CDHR3: variants seen among roughly 807,000 people sequenced by gnomAD.
CDHR3 encodes the protein cadherin-related family member 3.
In CDHR3, 79 loss-of-function variants were observed where a neutral mutation model predicts 86.6. The observed-to-expected ratio is 0.91, with a 90% CI of 0.76 to 1.10. CDHR3 has a LOEUF of 1.10. Ranked by LOEUF, CDHR3 falls within the 50% of genes least tolerant of loss-of-function variation. CDHR3 has a pLI of 0.00. For synonymous variants in CDHR3, 421 were observed against 402.4 expected, an observed-to-expected ratio of 1.05 and a Z score of -0.55; for missense variants, 1,081 against 1,077.6, an observed-to-expected ratio of 1.00 and a Z score of -0.04.
intron 4 of CDHR3, among the ~76,000 whole-genome samples, chr7:105,992,944 A>T (rs1831580946): frequency 1.3e-5 from 2 of 152,270 alleles, no homozygotes; most frequent in South Asian, 2.1e-4. Context: ...AAAATGGCTT[A>T]AAAACGTTAT....
intron 4 of CDHR3, among the ~76,000 whole-genome samples, chr7:105,985,105 A>G (rs1049565014): frequency 9.9e-5 from 15 of 151,738 alleles, no homozygotes; most frequent in Non-Finnish European, 2.2e-4. Context: ...TCTAGGTTGT[A>G]GAGCAGGAGA....
intron 3 of CDHR3, among the ~76,000 whole-genome samples, chr7:105,982,049 C>T (rs1170401520): frequency 9.0e-6 from 1 of 110,602 alleles, no homozygotes; most frequent in East Asian, 2.7e-4. Flanking sequence ...GCCTCCCAGC[C>T]CCCCTGCAGT....
chr7:105,990,776 C>T (rs1027902575), intron 4 of CDHR3, among the ~76,000 whole-genome samples: 1 of 152,168 alleles, frequency 6.6e-6, no homozygotes, highest in Non-Finnish European at 1.5e-5. Flanking sequence ...AATCATTGGT[C>T]GGTGACTCCT....
intron 4 of CDHR3, among the ~76,000 whole-genome samples, chr7:105,988,814 A>G (rs1830896300): frequency 6.6e-6 from 1 of 152,242 alleles, no homozygotes; most frequent in African/African-American, 2.4e-5. Flanking sequence ...GTAAAACAAA[A>G]TAAATGAAAT....
At chr7:106,025,908 G>A (rs931116062) in intron 15 of CDHR3, among the ~76,000 whole-genome samples, 2 of 152,128 alleles carry the variant, frequency 1.3e-5, no homozygotes, top group African/African-American at 4.8e-5. Context: ...GTAATTGCTT[G>A]TAAGGATGGT....
chr7:105,996,220 A>G, intron 5 of CDHR3, 30 bp from the exon 6 acceptor site: 1 of 1,259,444 alleles, frequency 7.9e-7, no homozygotes. Flanking sequence ...GCAAAGCTTG[A>G]TTCTCTCACG....
In CDHR3 at chr7:106,034,711, G is replaced by A. The variant is rs1456393750; in HGVS notation, c.*2014G>A. On this transcript the variant is annotated 3_prime_UTR_variant, in exon 19 of 19. Coordinates refer to ENST00000317716, the MANE Select transcript of CDHR3 (RefSeq NM_152750.5). Reference sequence around the variant, plus strand: ...CAAATGCTTTCCTTGGAAGCTCTCAGCTTCAATGCAAGTAAAATGAGGTTC... The same window carrying A: ...CAAATGCTTTCCTTGGAAGCTCTCAACTTCAATGCAAGTAAAATGAGGTTC... 6.6e-6 allele frequency among the ~76,000 whole-genome samples: 1 copy of A among 152,222 alleles called. No individual in the cohort carries two copies. Among genetic ancestry groups the A allele is most frequent in the Non-Finnish European group, 1.5e-5 (1 of 68,030 alleles).
intron 1 of CDHR3, among the ~76,000 whole-genome samples, chr7:105,969,721 C>T (rs1244538400): frequency 6.6e-6 from 1 of 152,232 alleles, no homozygotes; most frequent in East Asian, 1.9e-4. Context: ...TAGCCTGCAC[C>T]TGGCCTCTGT....
chr7:105,969,370 A>C (rs4997842), intron 1 of CDHR3, among the ~76,000 whole-genome samples: 36,222 of 135,554 alleles, frequency 0.27, 5,192 homozygotes, highest in East Asian at 0.68. Context: ...ACTGCACTCC[A>C]GCCTGGGCGA....
chr7:105,966,912 T>C (rs573040747), intron 1 of CDHR3, among the ~76,000 whole-genome samples: 14 of 152,078 alleles, frequency 9.2e-5, no homozygotes, highest in Non-Finnish European at 1.3e-4. Flanking sequence ...AAATTAATCT[T>C]GGTTTTTGCC....
At chr7:105,980,842 A>C in intron 2 of CDHR3, 126 bp from the exon 3 acceptor site, 1 of 848,506 alleles carries the variant, frequency 1.2e-6, no homozygotes, top group Non-Finnish European at 1.9e-6. Flanking sequence ...TTCCTCTGAC[A>C]GTGAATGAAT....
chr7:106,020,916 G>A (rs1836466044), intron 13 of CDHR3, among the ~76,000 whole-genome samples: 2 of 152,094 alleles, frequency 1.3e-5, no homozygotes, highest in South Asian at 4.2e-4. Flanking sequence ...CTGCCCAAAG[G>A]CCCAAGAAAA....
At chr7:106,025,798 A>G (rs1379590748) in intron 15 of CDHR3, among the ~76,000 whole-genome samples, 1 of 152,232 alleles carries the variant, frequency 6.6e-6, no homozygotes, top group Non-Finnish European at 1.5e-5. Context: ...CTTGACTTCA[A>G]GGTAAGAAAT....
At chr7:105,974,442 T>C (rs1041935034) in intron 1 of CDHR3, among the ~76,000 whole-genome samples, 2 of 152,192 alleles carry the variant, frequency 1.3e-5, no homozygotes, top group African/African-American at 4.8e-5. Context: ...AAACAAACTC[T>C]TGTAAGCTAC....
At chr7:105,988,077 T>C (rs749484133) in intron 4 of CDHR3, among the ~76,000 whole-genome samples, 10 of 152,106 alleles carry the variant, frequency 6.6e-5, no homozygotes, top group Non-Finnish European at 1.5e-4. Context: ...TTTTTATAGA[T>C]AGGGTTTCGC....
At chr7:105,970,623 C>T (rs1355907595) in intron 1 of CDHR3, among the ~76,000 whole-genome samples, 1 of 152,210 alleles carries the variant, frequency 6.6e-6, no homozygotes, top group African/African-American at 2.4e-5. Flanking sequence ...GGCCTCTAAT[C>T]TTCCCTCTGC....
At chr7:105,980,607 ATTTTTT>A (rs35517726) in intron 2 of CDHR3, among the ~76,000 whole-genome samples, 1 of 98,524 alleles carries the variant, frequency 1.0e-5, no homozygotes, top group African/African-American at 3.9e-5. Context: ...TTTTTTTTTA[ATTTTTT>A]TTTTTTTTAA....
Position 105,974,913 on chromosome 7 carries a change from C to A in CDHR3, c.116C>A (p.Thr39Asn), listed in dbSNP as rs1828562467. The A allele has an allele frequency of 6.2e-7, 1 of 1,613,788 alleles. No homozygotes were observed. The highest frequency in any genetic ancestry group is 1.1e-5 in the South Asian group (1 of 91,088). The change falls in exon 2 of 19, where the codon ACT (threonine) becomes AAT (asparagine). Residue 39 changes from threonine to asparagine, a missense_variant. Physicochemically the swap from Thr to Asn is moderately conservative, Grantham distance 65. Transcript: ENST00000317716. ...GTGGCAGAGAATTCTCCACCTGGGA[C>A]TTCAGTGCACAAGTTTTCTGTGAAG... ...GNVAENSPPG[T>N]SVHKFSVKLS...
intron 6 of CDHR3, among the ~76,000 whole-genome samples, chr7:106,000,834 G>T (rs779173298): frequency 6.9e-6 from 1 of 145,466 alleles, no homozygotes; most frequent in Non-Finnish European, 1.5e-5. Flanking sequence ...TCAGAGAGCT[G>T]ACCTCATGAT....
Sources: allele counts gnomAD v4.1 joint callset (sites outside exome capture counted in the v4.1 genomes callset), GRCh38; gene constraint gnomAD v4.1.1; transcripts MANE v1.5; gene names NCBI Gene and HGNC (gene_info 2026-07-23, HGNC 2026-07-21).